Variants in POLR3E observed in about 807,000 individuals in gnomAD.
POLR3E encodes DNA-directed RNA polymerase III subunit RPC5.
Under a neutral mutation model 96.6 loss-of-function variants are expected in POLR3E, and 41 were observed. The ratio of observed to expected loss-of-function variants is 0.42; its 90% CI spans 0.33 to 0.55. POLR3E has a LOEUF of 0.55. Among genes scored for constraint, POLR3E ranks in the 20% least tolerant of loss-of-function variants. POLR3E has a pLI of 0.06. For synonymous variants in POLR3E, 396 were observed against 383.6 expected (o/e 1.03, Z -0.38); for missense variants, 849 against 952.1 (o/e 0.89, Z 1.43).
rs909008338 is a variant in POLR3E at position 22,334,294 on chromosome 16, C to T, written c.*594C>T. The stretch of plus-strand genomic sequence containing the variant: ...TTTACATGAACCATAGCAAAAAAAT[C>T]AGAATCAAATCCATCTCCTTTTAAT... On this transcript the variant is annotated 3_prime_UTR_variant, in exon 21 of 21. Coordinates refer to ENST00000299853, the MANE Select transcript of POLR3E (RefSeq NM_018119.4). 1 of 152,210 alleles carries T rather than the reference C, an allele frequency of 6.6e-6. No individual in the cohort carries two copies. Among genetic ancestry groups the T allele is most frequent in the African/African-American group, 2.4e-5 (1 of 41,458 alleles). 9.4% of individuals were successfully genotyped at this position (152,210 alleles called of 1,614,324 possible).
At chr16:22,323,587 G>T (rs984729026) in intron 14 of POLR3E, among the ~76,000 whole-genome samples, 1 of 152,160 alleles carries the variant, frequency 6.6e-6, no homozygotes, top group Non-Finnish European at 1.5e-5. Context: ...GCTGAAGGAA[G>T]CATCTGCCTC....
rs554805069 is a variant in POLR3E at position 22,311,579 on chromosome 16, A to G, written c.365-2041A>G. 1.8e-3 allele frequency among the ~76,000 whole-genome samples: 272 copies of G among 151,394 alleles called. 1 individual carries two copies. Among genetic ancestry groups the G allele is most frequent in the Middle Eastern group, 0.017 (5 of 292 alleles). Reference sequence around the variant, plus strand: ...GTGATCATAGCTCACTGCAGCCTCTATCTCCTGAGCTCAAGCAATTGCCTT... The same window carrying G: ...GTGATCATAGCTCACTGCAGCCTCTGTCTCCTGAGCTCAAGCAATTGCCTT... On this transcript the variant is annotated intron_variant, in intron 6 of 20. Coordinates refer to ENST00000299853, the MANE Select transcript of POLR3E (RefSeq NM_018119.4).
At position 22,333,676 on chromosome 16, in the gene POLR3E, C is replaced by T. The variant is rs747345600; in HGVS notation, c.2103C>T (p.Tyr701=). ...DCCVSYGGMW[Y]LKGTVQS ...GTGTAAGCTATGGTGGCATGTGGTA[C>T]CTTAAAGGGACAGTACAGTCTTGAC... Residue 701 remains tyrosine (Y), a synonymous_variant, in exon 21 of 21, where the codon TAC becomes TAT. Transcript: ENST00000299853. 8.7e-6 allele frequency: 14 copies of T among 1,610,686 alleles called. No homozygotes were observed. Among genetic ancestry groups the T allele is most frequent in the Admixed American group, 6.7e-5 (4 of 59,984 alleles).
intron 2 of POLR3E, among the ~76,000 whole-genome samples, chr16:22,303,983 G>A (rs1432848257): frequency 6.6e-6 from 1 of 151,714 alleles, no homozygotes; most frequent in Non-Finnish European, 1.5e-5. Context: ...GCTAATTTTT[G>A]TATTTTTAGT....
Position 22,322,869 on chromosome 16 carries a change from G to C in POLR3E, c.1006G>C (p.Asp336His). Reference sequence around the variant, plus strand: ...TGGCAGTGACATCCTATACCCCAAGGACTCGTCCAGCCCTCACAGCGGCGT... The same window carrying C: ...TGGCAGTGACATCCTATACCCCAAGCACTCGTCCAGCCCTCACAGCGGCGT... ...VVKSDILYPK[D>H]SSSPHSGVPA... The change falls in exon 14 of 21, where the codon GAC becomes CAC. Residue 336 changes from aspartate (D) to histidine (H), a missense_variant. Coordinates refer to ENST00000299853, the MANE Select transcript of POLR3E (RefSeq NM_018119.4). The surrounding 1 kb of genome is among the most constrained non-coding windows in gnomAD (Gnocchi z 5.2). The C allele has an allele frequency of 1.9e-6, 3 of 1,613,356 alleles. No homozygotes were observed. The highest frequency in any genetic ancestry group is 2.5e-6 in the Non-Finnish European group (3 of 1,179,604).
At chr16:22,320,854 G>T (rs571897861) in intron 13 of POLR3E, among the ~76,000 whole-genome samples, 1 of 152,104 alleles carries the variant, frequency 6.6e-6, no homozygotes, top group African/African-American at 2.4e-5. Context: ...ATATGATTTT[G>T]TTGTGTTCCG....
intron 1 of POLR3E, among the ~76,000 whole-genome samples, chr16:22,298,408 A>C (rs930748931): frequency 2.0e-5 from 3 of 152,174 alleles, no homozygotes; most frequent in Non-Finnish European, 2.9e-5. Flanking sequence ...AAACCTTCCC[A>C]GAGGTTACGT....
chr16:22,298,643 A>G (rs1204419487), intron 1 of POLR3E, among the ~76,000 whole-genome samples: 3 of 152,232 alleles, frequency 2.0e-5, no homozygotes, highest in African/African-American at 4.8e-5. Context: ...ACCGTGCAGT[A>G]TAGTGGTTAA....
intron 9 of POLR3E, among the ~76,000 whole-genome samples, chr16:22,316,323 C>T (rs916958022): frequency 6.6e-6 from 1 of 152,202 alleles, no homozygotes; most frequent in African/African-American, 2.4e-5. Context: ...CCACCACATC[C>T]TAGATGCCCA....
rs1399522285 is a variant in POLR3E at position 22,308,958 on chromosome 16, C to T, written c.199C>T (p.Pro67Ser). 2 of 1,613,870 alleles carry T rather than the reference C, an allele frequency of 1.2e-6. No individual in the cohort carries two copies. Among genetic ancestry groups the T allele is most frequent in the Non-Finnish European group, 1.7e-6 (2 of 1,179,952 alleles). ...TGAGATGGCCATCGACACCCTGAAC[C>T]CCAACTATTGCCGCAGCAAAGGGGA... Reference protein sequence around the residue: ...ELEMAIDTLNPNYCRSKGEQI... With the variant: ...ELEMAIDTLNSNYCRSKGEQI... Residue 67 changes from proline to serine, a missense_variant, in exon 5 of 21, where the codon CCC (proline) becomes TCC (serine). Coordinates refer to ENST00000299853, the MANE Select transcript of POLR3E (RefSeq NM_018119.4).
At chr16:22,301,218 G>T (rs2048013439) in intron 1 of POLR3E, among the ~76,000 whole-genome samples, 1 of 152,148 alleles carries the variant, frequency 6.6e-6, no homozygotes, top group Non-Finnish European at 1.5e-5. Context: ...AGGGTAGGAG[G>T]CTTGTGGGAG....
Position 22,313,944 on chromosome 16 carries a change from A to G in POLR3E, c.473-135A>G. 1 of 798,754 alleles carries G rather than the reference A, an allele frequency of 1.3e-6. No individual in the cohort carries two copies. The highest frequency in any genetic ancestry group is 2.1e-6 in the Non-Finnish European group (1 of 465,842). 49.5% of individuals were successfully genotyped at this position (798,754 alleles called of 1,614,324 possible). Reference sequence around the variant, plus strand: ...GGGGCAAAACTGTCCCCGATTGAGAACCACTGGCTTAGGCAGCTCCCTCTG... The same window carrying G: ...GGGGCAAAACTGTCCCCGATTGAGAGCCACTGGCTTAGGCAGCTCCCTCTG... On this transcript the variant is annotated intron_variant, in intron 7 of 20. Coordinates refer to ENST00000299853, the MANE Select transcript of POLR3E (RefSeq NM_018119.4). The surrounding 1 kb of genome is among the most constrained non-coding windows in gnomAD (Gnocchi z 4.1).
chr16:22,333,178 C>T (rs1348494120), intron 20 of POLR3E, among the ~76,000 whole-genome samples: 3 of 149,072 alleles, frequency 2.0e-5, no homozygotes, highest in African/African-American at 4.9e-5. Flanking sequence ...AATGGCCAGG[C>T]GCGGTGGCTC....
chr16:22,303,105 G>A, intron 2 of POLR3E, 101 bp downstream of exon 2: 1 of 1,108,854 alleles, frequency 9.0e-7, no homozygotes, highest in Non-Finnish European at 1.4e-6. Context: ...TGATGTTCTG[G>A]GACCCCTAAC....
chr16:22,314,186 C>G, intron 8 of POLR3E, 58 bp downstream of exon 8: 1 of 1,393,294 alleles, frequency 7.2e-7, no homozygotes, highest in Non-Finnish European at 1.0e-6. Context: ...GGACCAGAGA[C>G]CAAGGGGTAG....
intron 19 of POLR3E, among the ~76,000 whole-genome samples, chr16:22,331,141 G>A (rs1424757338): frequency 6.6e-6 from 1 of 151,780 alleles, no homozygotes; most frequent in Non-Finnish European, 1.5e-5. Flanking sequence ...ACCACGCGTG[G>A]CTGATTTTTG....
In POLR3E at chr16:22,322,835, C is replaced by T. The variant is rs780969692; in HGVS notation, c.987-15C>T. On this transcript the variant is annotated splice_polypyrimidine_tract_variant and intron_variant, in intron 13 of 20. Coordinates refer to ENST00000299853, the MANE Select transcript of POLR3E (RefSeq NM_018119.4). This position sits in a 1 kb window ranked among gnomAD's most constrained non-coding sequence, Gnocchi z 5.2. Reference sequence around the variant, plus strand: ...AGGGCAGGGACTGACCTGCCATCCTCACCTGCATTGGCAGTGACATCCTAT... The same window carrying T: ...AGGGCAGGGACTGACCTGCCATCCTTACCTGCATTGGCAGTGACATCCTAT... 26 of 1,599,730 alleles carry T rather than the reference C, an allele frequency of 1.6e-5. 1 individual carries two copies. In the South Asian group the frequency reaches 2.8e-4, roughly 17 times the overall value.
chr16:22,312,873 C>CAAAAAA (rs1167609047), intron 6 of POLR3E, among the ~76,000 whole-genome samples: 14 of 30,328 alleles, frequency 4.6e-4, no homozygotes, highest in East Asian at 1.0e-3. Context: ...CACTCCATCT[C>CAAAAAA]AAAAAAAAAA....
intron 19 of POLR3E, chr16:22,329,241 A>G (rs1269299446): frequency 1.3e-5 from 2 of 152,288 alleles, no homozygotes; most frequent in Non-Finnish European, 2.9e-5. Flanking sequence ...GGCCTCTGGC[A>G]GCAGGAATCA....
Sources: gnomAD v4.1 joint callset for allele counts (sites outside exome capture counted in the v4.1 genomes callset) on GRCh38, gnomAD v4.1.1 for gene constraint, Gnocchi (gnomAD v3.1) non-coding constraint, MANE v1.5 for transcripts, NCBI Gene and HGNC (gene_info 2026-07-23, HGNC 2026-07-21) for gene names.